SH2D3C: variants seen among roughly 807,000 people sequenced by gnomAD.
SH2D3C encodes SH2 domain containing 3C, also known as SH2 domain-containing protein 3C.
In SH2D3C, 25 loss-of-function variants were observed where a neutral mutation model predicts 75.2. The ratio of observed to expected loss-of-function variants is 0.33; its 90% CI spans 0.24 to 0.46. SH2D3C has a LOEUF of 0.46. Among genes scored for constraint, SH2D3C ranks in the 20% least tolerant of loss-of-function variants. The pLI is 1.00. For synonymous variants in SH2D3C, 450 were observed against 473.7 expected, an observed-to-expected ratio of 0.95 and a Z score of 0.65; for missense variants, 933 against 1,165.3, an observed-to-expected ratio of 0.80 and a Z score of 2.90.
rs370517654 is a variant in SH2D3C at position 127,741,857 on chromosome 9, G to T, written c.2019C>A (p.Ala673=). 197 of 1,613,326 alleles carry T rather than the reference G, an allele frequency of 1.2e-4. No individual in the cohort carries two copies. Among genetic ancestry groups the T allele is most frequent in the South Asian group, 9.9e-4 (90 of 91,084 alleles). The change falls in exon 9 of 12, where the codon GCC becomes GCA. Residue 673 remains alanine (A), a synonymous_variant. Coordinates refer to ENST00000314830, the MANE Select transcript of SH2D3C (RefSeq NM_170600.3). ...TGTTGCCCATAGTCCCCCGCAGCTC[G>T]GCCGCCAGCTGAATGGTCTTGTGCA... ...ALLHKTIQLA[A]ELRGTMGNMF... is the part of the protein sequence containing the mutation.
At chr9:127,745,127 G>T in intron 6 of SH2D3C, 28 bp from the exon 7 acceptor site, 1 of 1,464,898 alleles carries the variant, frequency 6.8e-7, no homozygotes, top group Non-Finnish European at 9.0e-7. Flanking sequence ...GAGAGGCCCC[G>T]TTATAGCAGC....
In SH2D3C at chr9:127,754,748, G is replaced by A; in HGVS notation, c.556-3448C>T. The A allele has an allele frequency of 2.2e-6, 1 of 461,468 alleles. No individual in the cohort carries two copies. The highest frequency in any genetic ancestry group is 1.6e-5 in the South Asian group (1 of 63,258). 28.6% of individuals were successfully genotyped at this position (461,468 alleles called of 1,614,324 possible). ...TCAGCCGCAAGGGCCAGCGTACCAG[G>A]CGGAGGACCGGCAGGACGCCGGAGA... On this transcript the variant is annotated intron_variant, in intron 3 of 11. Coordinates refer to ENST00000314830, the MANE Select transcript of SH2D3C (RefSeq NM_170600.3). This position sits in a 1 kb window ranked among gnomAD's most constrained non-coding sequence, Gnocchi z 4.4.
In SH2D3C at chr9:127,739,642, C is replaced by T. The variant is rs1257340775; in HGVS notation, c.2407+40G>A. ...AGCAGTGAGGCAGGTGGAGGGAGGCCCAGGCCTGCAAGCCCCCCAAGATGC... is the reference window on the plus strand; with the variant it reads ...AGCAGTGAGGCAGGTGGAGGGAGGCTCAGGCCTGCAAGCCCCCCAAGATGC... On this transcript the variant is annotated intron_variant, in intron 11 of 11. Transcript: ENST00000314830. The surrounding 1 kb of genome is among the most constrained non-coding windows in gnomAD (Gnocchi z 4.3). The T allele has an allele frequency of 2.6e-6, 4 of 1,562,040 alleles. No individual in the cohort carries two copies. Among genetic ancestry groups the T allele is most frequent in the Non-Finnish European group, 3.5e-6 (4 of 1,146,780 alleles).
At chr9:127,769,009 G>A (rs977870798) in intron 2 of SH2D3C, among the ~76,000 whole-genome samples, 6 of 152,050 alleles carry the variant, frequency 3.9e-5, no homozygotes, top group South Asian at 2.1e-4. Flanking sequence ...CCCCACTTTC[G>A]CCAACCAATT....
chr9:127,738,749 C>T lies in SH2D3C; in HGVS notation c.2580G>A (p.Leu860=), dbSNP rs758507168. ...KLEPAVRSSE[L] is the part of the protein sequence containing the mutation. ...CAGAGGGGAAATGTCCCTGGGGTCA[C>T]AGCTCGCTGGAGCGGACAGCAGGTT... is the stretch of plus-strand genomic sequence containing the variant. The change falls in exon 12 of 12, where the codon CTG becomes CTA. Residue 860 remains leucine (L), a synonymous_variant. Coordinates refer to ENST00000314830, the MANE Select transcript of SH2D3C (RefSeq NM_170600.3). The surrounding 1 kb of genome is among the most constrained non-coding windows in gnomAD (Gnocchi z 5.0). 1 of 1,597,116 alleles carries T rather than the reference C, an allele frequency of 6.3e-7. No homozygotes were observed. The highest frequency in any genetic ancestry group is 8.5e-7 in the Non-Finnish European group (1 of 1,171,036).
chr9:127,742,713 G>A (rs1238245748), intron 8 of SH2D3C, 136 bp downstream of exon 8: 2 of 611,200 alleles, frequency 3.3e-6, no homozygotes, highest in Non-Finnish European at 5.7e-6. Flanking sequence ...CTTGCGATTG[G>A]TCAATGGGAT....
At chr9:127,763,845 ATCT>A (rs775223979) in intron 2 of SH2D3C, among the ~76,000 whole-genome samples, 3 of 152,178 alleles carry the variant, frequency 2.0e-5, no homozygotes, top group Non-Finnish European at 4.4e-5. Flanking sequence ...TTCATCGCTA[ATCT>A]TCTCTCCTAG....
In SH2D3C at chr9:127,749,561, C is replaced by G. The variant is rs1343515365; in HGVS notation, c.789G>C (p.Leu263Phe). 1 of 1,612,958 alleles carries G rather than the reference C, an allele frequency of 6.2e-7. No individual in the cohort carries two copies. The highest frequency in any genetic ancestry group is 2.2e-5 in the East Asian group (1 of 44,800). The change falls in exon 5 of 12, where the codon TTG (leucine) becomes TTC (phenylalanine). Residue 263 changes from leucine to phenylalanine, a missense_variant. Leu to Phe is a conservative substitution (Grantham distance 22). Transcript: ENST00000314830. The surrounding 1 kb of genome is among the most constrained non-coding windows in gnomAD (Gnocchi z 5.9). ...CCACCACCTTGTTGATCTTGAAGTG[C>G]AAGGCCTGGTTGCGCCAGCGGCACG... ...VLTCRWRNQALHFKINKVVVK... is the reference protein window; with the variant it reads ...VLTCRWRNQAFHFKINKVVVK...
chr9:127,742,273 G>T (rs150554266), intron 8 of SH2D3C, among the ~76,000 whole-genome samples: 1 of 152,190 alleles, frequency 6.6e-6, no homozygotes, highest in Admixed American at 6.5e-5. Flanking sequence ...TCTCGCTCTT[G>T]TCGCCCAGTC....
chr9:127,759,569 C>T lies in SH2D3C; in HGVS notation c.555+2042G>A, dbSNP rs559084955. On this transcript the variant is annotated intron_variant, in intron 3 of 11. Coordinates refer to ENST00000314830, the MANE Select transcript of SH2D3C (RefSeq NM_170600.3). Reference sequence around the variant, plus strand: ...TTGACGGGACTAAAATTTGGATTTGCTGGGCATGGTCACTCGTGCTTGTAT... The same window carrying T: ...TTGACGGGACTAAAATTTGGATTTGTTGGGCATGGTCACTCGTGCTTGTAT... Among the ~76,000 whole-genome samples the T allele has an allele frequency of 5.9e-5, 9 of 152,258 alleles. No homozygotes were observed. The South Asian group carries it at 1.9e-3, about 32-fold the overall frequency.
intron 1 of SH2D3C, among the ~76,000 whole-genome samples, chr9:127,775,789 A>G (rs1845800090): frequency 6.6e-6 from 1 of 151,934 alleles, no homozygotes; most frequent in Non-Finnish European, 1.5e-5. Context: ...CAGCCTGAGC[A>G]ACAGGGCAAG....
chr9:127,764,936 T>C (rs1425423226), intron 2 of SH2D3C, among the ~76,000 whole-genome samples: 2 of 152,150 alleles, frequency 1.3e-5, no homozygotes, highest in African/African-American at 4.8e-5. Context: ...CTTGAACTCC[T>C]GACCTCAGGT....
Position 127,751,395 on chromosome 9 carries a change from C to T in SH2D3C, c.556-95G>A. 3.3e-6 allele frequency: 4 copies of T among 1,211,788 alleles called. No homozygotes were observed. Among genetic ancestry groups the T allele is most frequent in the South Asian group, 1.3e-5 (1 of 76,986 alleles). The allele number at this position is 1,211,788 out of a possible 1,614,324, so 75.1% of individuals were successfully genotyped here. On this transcript the variant is annotated intron_variant, in intron 3 of 11. Coordinates refer to ENST00000314830, the MANE Select transcript of SH2D3C (RefSeq NM_170600.3). This position sits in a 1 kb window ranked among gnomAD's most constrained non-coding sequence, Gnocchi z 4.1. ...CTACCATGGATGAACTCCTCCTATC[C>T]TGGGACTCTGGGAACACTAAGGCAC...
At chr9:127,764,461 G>A (rs1845595179) in intron 2 of SH2D3C, among the ~76,000 whole-genome samples, 1 of 152,106 alleles carries the variant, frequency 6.6e-6, no homozygotes, top group Non-Finnish European at 1.5e-5. Flanking sequence ...TCAAAGGAAG[G>A]CCAGATCACA....
Position 127,741,826 on chromosome 9 carries a change from T to C in SH2D3C, c.2050A>G (p.Ser684Gly), listed in dbSNP as rs200951769. The C allele has an allele frequency of 2.5e-6, 4 of 1,613,406 alleles. No individual in the cohort carries two copies. The highest frequency in any genetic ancestry group is 3.4e-6 in the Non-Finnish European group (4 of 1,180,026). The stretch of plus-strand genomic sequence containing the variant: ...AGGGCACCCATGACCGCCGCGAAGC[T>C]GAACATGTTGCCCATAGTCCCCCGC... The part of the protein sequence containing the change: ...ELRGTMGNMF[S>G]FAAVMGALDM... Residue 684 changes from serine to glycine, a missense_variant, in exon 9 of 12, where the codon AGC becomes GGC. Transcript: ENST00000314830.
At position 127,738,898 on chromosome 9, in the gene SH2D3C, G is replaced by A. The variant is rs1844763806; in HGVS notation, c.2431C>T (p.Leu811=). Residue 811 remains leucine (L), a synonymous_variant, in exon 12 of 12, where the codon CTG becomes TTG. Transcript: ENST00000314830. The surrounding 1 kb of genome is among the most constrained non-coding windows in gnomAD (Gnocchi z 5.0). Reference sequence around the variant, plus strand: ...TGGAACTCCGTGCTGAACACCTCCAGGAGCTCCGGCCGGGCCTGGAACCCT... The same window carrying A: ...TGGAACTCCGTGCTGAACACCTCCAAGAGCTCCGGCCGGGCCTGGAACCCT... ...LQGFQARPEL[L]EVFSTEFQMR... The A allele has an allele frequency of 6.3e-7, 1 of 1,590,670 alleles. No homozygotes were observed. Among genetic ancestry groups the A allele is most frequent in the South Asian group, 1.1e-5 (1 of 87,632 alleles).
intron 5 of SH2D3C, 126 bp from the exon 6 acceptor site, chr9:127,747,397 A>C: frequency 2.3e-6 from 2 of 875,714 alleles, no homozygotes; most frequent in Non-Finnish European, 3.3e-6. Context: ...ATCAAATCCA[A>C]CCTCCCGACT....
chr9:127,771,289 T>G (rs1336691848), intron 2 of SH2D3C: 3 of 1,512,056 alleles, frequency 2.0e-6, no homozygotes, highest in Non-Finnish European at 2.7e-6. Flanking sequence ...GGCTCCTGCC[T>G]TTCTCGGGCC....
At chr9:127,766,768 C>T in intron 2 of SH2D3C, 1 of 644,338 alleles carries the variant, frequency 1.6e-6, no homozygotes, top group Non-Finnish European at 2.7e-6. Flanking sequence ...TGGGGTTTCA[C>T]CATGTTGGCC....
Sources: gnomAD v4.1 joint callset for allele counts (sites outside exome capture counted in the v4.1 genomes callset) on GRCh38, gnomAD v4.1.1 for gene constraint, Gnocchi (gnomAD v3.1) non-coding constraint, MANE v1.5 for transcripts, NCBI Gene and HGNC (gene_info 2026-07-23, HGNC 2026-07-21) for gene names.